LDB2: variants seen among roughly 807,000 people sequenced by gnomAD.
The protein encoded by LDB2 is LIM domain binding 2.
A neutral mutation model predicts 44.3 loss-of-function variants in LDB2; 12 were observed. The ratio of observed to expected loss-of-function variants is 0.27; its 90% confidence interval spans 0.17 to 0.44. The LOEUF is 0.44. Among genes scored for constraint, LDB2 ranks in the 20% least tolerant of loss-of-function variants. The pLI, the probability that LDB2 is intolerant of heterozygous loss-of-function variation, is 1.00. For missense variants in LDB2, 344 were observed against 473.5 expected, an observed-to-expected ratio of 0.73 and a Z score of 2.54; for synonymous variants, 164 against 174.8, an observed-to-expected ratio of 0.94 and a Z score of 0.49.
At chr4:16,830,890 TGCAGGG>T (rs1338952611) in intron 1 of LDB2, among the ~76,000 whole-genome samples, 1 of 152,174 alleles carries the variant, frequency 6.6e-6, no homozygotes, top group East Asian at 1.9e-4. Context: ...TTTCTAAGGC[TGCAGGG>T]TTGAGAATAA....
In LDB2 at chr4:16,649,062, T is replaced by C. The variant is rs372321334; in HGVS notation, c.236-53187A>G. The stretch of plus-strand genomic sequence containing the variant: ...CTTATGTAGTAAAGAAAAATATTAA[T>C]TCTATTTTAACTAGACAGTGGCAAG... On this transcript the variant is annotated intron_variant, in intron 2 of 7. Transcript: ENST00000304523. Among the ~76,000 whole-genome samples the C allele has an allele frequency of 1.1e-4, 17 of 152,342 alleles. No homozygotes were observed. In the East Asian group the frequency reaches 3.1e-3, roughly 28 times the overall value.
intron 2 of LDB2, among the ~76,000 whole-genome samples, chr4:16,617,149 T>C (rs1477792543): frequency 6.6e-6 from 1 of 152,148 alleles, no homozygotes; most frequent in Non-Finnish European, 1.5e-5. Flanking sequence ...AACAAACTCC[T>C]GTCAAAACAT....
intron 2 of LDB2, among the ~76,000 whole-genome samples, chr4:16,712,734 G>A (rs1368351939): frequency 6.6e-6 from 1 of 152,094 alleles, no homozygotes; most frequent in Non-Finnish European, 1.5e-5. Flanking sequence ...TGGAGAAAGT[G>A]GAACCCTCAT....
chr4:16,584,709 A>G (rs1716107958), intron 5 of LDB2, among the ~76,000 whole-genome samples: 1 of 152,164 alleles, frequency 6.6e-6, no homozygotes. Flanking sequence ...TCCCTTTTAC[A>G]GGTCTGACCT....
At chr4:16,863,016 A>G (rs1484171008) in intron 1 of LDB2, among the ~76,000 whole-genome samples, 4 of 152,152 alleles carry the variant, frequency 2.6e-5, no homozygotes, top group African/African-American at 9.7e-5. Context: ...GGCAGCCCGC[A>G]TCGTTGGAGT....
intron 1 of LDB2, among the ~76,000 whole-genome samples, chr4:16,791,429 C>T (rs970306228): frequency 1.3e-5 from 2 of 151,768 alleles, no homozygotes; most frequent in Non-Finnish European, 2.9e-5. Context: ...GTCGTGAGCA[C>T]CTGTAATCCC....
intron 1 of LDB2, among the ~76,000 whole-genome samples, chr4:16,821,031 G>A (rs927318019): frequency 3.3e-5 from 5 of 152,024 alleles, no homozygotes; most frequent in Non-Finnish European, 7.4e-5. Flanking sequence ...TAAATGGATT[G>A]ACCACTCATC....
At chr4:16,884,571 C>T (rs950974963) in intron 1 of LDB2, among the ~76,000 whole-genome samples, 1 of 152,160 alleles carries the variant, frequency 6.6e-6, no homozygotes. Flanking sequence ...CTACCTTAAA[C>T]ACCCTTTCCA....
At chr4:16,729,025 G>T (rs969307302) in intron 2 of LDB2, among the ~76,000 whole-genome samples, 4 of 152,152 alleles carry the variant, frequency 2.6e-5, no homozygotes, top group African/African-American at 4.8e-5. Context: ...TCTATGGTCT[G>T]CTAATGCATG....
intron 2 of LDB2, among the ~76,000 whole-genome samples, chr4:16,697,206 C>T (rs1014153854): frequency 3.3e-5 from 5 of 151,482 alleles, no homozygotes; most frequent in South Asian, 2.1e-4. Context: ...GGGCGGATCA[C>T]GAGATCAGGA....
chr4:16,685,656 T>G (rs916938225), intron 2 of LDB2, among the ~76,000 whole-genome samples: 1 of 152,212 alleles, frequency 6.6e-6, no homozygotes. Context: ...ATTTCATGAC[T>G]AGTTTAAAGG....
intron 5 of LDB2, among the ~76,000 whole-genome samples, chr4:16,567,789 G>C (rs1355481938): frequency 6.6e-6 from 1 of 152,156 alleles, no homozygotes; most frequent in Non-Finnish European, 1.5e-5. Flanking sequence ...ACAAAAAAAA[G>C]TTTACATTTC....
chr4:16,555,345 TAGC>T (rs1245843536), intron 5 of LDB2, among the ~76,000 whole-genome samples: 1 of 152,198 alleles, frequency 6.6e-6, no homozygotes, highest in East Asian at 1.9e-4. Flanking sequence ...GGAAATTCCT[TAGC>T]ATGGCAGATG....
intron 2 of LDB2, among the ~76,000 whole-genome samples, chr4:16,676,721 A>G (rs74842992): frequency 4.5e-4 from 68 of 152,372 alleles, no homozygotes; most frequent in Non-Finnish European, 9.0e-4. Flanking sequence ...AGAATGGGAC[A>G]CTTGCTTTCA....
At chr4:16,514,838 A>T (rs1029449365) in intron 5 of LDB2, among the ~76,000 whole-genome samples, 2 of 152,198 alleles carry the variant, frequency 1.3e-5, no homozygotes, top group Non-Finnish European at 2.9e-5. Flanking sequence ...ACCTGTGAAA[A>T]AGGCAAGATT....
At position 16,705,927 on chromosome 4, in the gene LDB2, G is replaced by A. The variant is rs138610447; in HGVS notation, c.235+53231C>T. ...AATGATATCCACAAAATACATATGA[G>A]ATTACCTTTCACTTTTCTCAGTCAC... On this transcript the variant is annotated intron_variant, in intron 2 of 7. Coordinates refer to ENST00000304523, the MANE Select transcript of LDB2 (RefSeq NM_001290.5). Among the ~76,000 whole-genome samples the A allele has an allele frequency of 2.6e-5, 4 of 152,228 alleles. No individual in the cohort carries two copies. In the East Asian group the frequency reaches 7.7e-4, roughly 29 times the overall value.
chr4:16,814,340 T>C (rs1458062980), intron 1 of LDB2, among the ~76,000 whole-genome samples: 1 of 152,196 alleles, frequency 6.6e-6, no homozygotes, highest in African/African-American at 2.4e-5. Flanking sequence ...GAACCTAGAT[T>C]CAGACAGTTG....
intron 1 of LDB2, among the ~76,000 whole-genome samples, chr4:16,851,125 TGAG>T (rs1317609534): frequency 6.6e-6 from 1 of 151,572 alleles, no homozygotes; most frequent in Non-Finnish European, 1.5e-5. Context: ...GCTCTTGGAG[TGAG>T]GAGAAGCTGA....
chr4:16,770,220 G>T (rs1579503190), intron 1 of LDB2, among the ~76,000 whole-genome samples: 1 of 152,034 alleles, frequency 6.6e-6, no homozygotes, highest in African/African-American at 2.4e-5. Context: ...CCCATGTCTG[G>T]TGTGTTTTAC....
Sources: allele counts gnomAD v4.1 joint callset (sites outside exome capture counted in the v4.1 genomes callset), GRCh38; gene constraint gnomAD v4.1.1; transcripts MANE v1.5; gene names NCBI Gene and HGNC (gene_info 2026-07-23, HGNC 2026-07-21).